TERF2IP: variants seen among roughly 807,000 people sequenced by gnomAD.
TERF2IP encodes TERF2 interacting protein.
TERF2IP carries 35 observed loss-of-function variants against 33.3 expected under a neutral mutation model. The ratio of observed to expected loss-of-function variants is 1.05; its 90% CI spans 0.80 to 1.39. The LOEUF is 1.39. TERF2IP is among the 40% of genes most tolerant of loss of function. TERF2IP has a pLI of 0.00. For synonymous variants in TERF2IP, 253 were observed against 223.2 expected (o/e 1.13, Z -1.19); for missense variants, 583 against 524.8 (o/e 1.11, Z -1.08).
At position 75,648,567 on chromosome 16, in the gene TERF2IP, C is replaced by T; in HGVS notation, c.670+15C>T. Reference sequence around the variant, plus strand: ...GGATAGCGGGGGTGAGGAGGCTGAGCGCGGGGCCTCGCGGATATCTGCGCG... The same window carrying T: ...GGATAGCGGGGGTGAGGAGGCTGAGTGCGGGGCCTCGCGGATATCTGCGCG... On this transcript the variant is annotated intron_variant, in intron 1 of 2. Transcript: ENST00000300086. 6.6e-7 allele frequency: 1 copy of T among 1,514,906 alleles called. No individual in the cohort carries two copies. The highest frequency in any genetic ancestry group is 8.9e-7 in the Non-Finnish European group (1 of 1,126,820). 93.8% of individuals were successfully genotyped at this position (1,514,906 alleles called of 1,614,324 possible). A position where few individuals can be genotyped will look rare whatever the true frequency, so the allele number is the denominator to read the frequency against.
At position 75,656,716 on chromosome 16, in the gene TERF2IP, T is replaced by C. The variant is rs1226131041; in HGVS notation, c.*105T>C. 7 of 1,092,946 alleles carry C rather than the reference T, an allele frequency of 6.4e-6. No homozygotes were observed. Among genetic ancestry groups the C allele is most frequent in the East Asian group, 5.0e-5 (2 of 40,200 alleles). 67.7% of individuals were successfully genotyped at this position (1,092,946 alleles called of 1,614,324 possible). ...GTTCTTGCATTGGAACTGGCACTTATTTTCTGACCATCGCTGCTGTTGCTC... is the reference window on the plus strand; with the variant it reads ...GTTCTTGCATTGGAACTGGCACTTACTTTCTGACCATCGCTGCTGTTGCTC... On this transcript the variant is annotated 3_prime_UTR_variant, in exon 3 of 3. Transcript: ENST00000300086.
rs781706869 is a variant in TERF2IP, at chr16:75,648,560, G to A, written c.670+8G>A. On this transcript the variant is annotated splice_region_variant and intron_variant, in intron 1 of 2. Coordinates refer to ENST00000300086, the MANE Select transcript of TERF2IP (RefSeq NM_018975.4). ...AGGCCGCGGATAGCGGGGGTGAGGA[G>A]GCTGAGCGCGGGGCCTCGCGGATAT... 3 of 1,534,234 alleles carry A rather than the reference G, an allele frequency of 2.0e-6. No homozygotes were observed. Among genetic ancestry groups the A allele is most frequent in the Non-Finnish European group, 2.6e-6 (3 of 1,136,158 alleles).
At position 75,656,896 on chromosome 16, in the gene TERF2IP, C is replaced by T. The variant is rs2082391158; in HGVS notation, c.*285C>T. ...GGAGTTGGTCTACATAGTAGTAATC[C>T]ATTGTTGGAATGGAACCCTTGCTAT... On this transcript the variant is annotated 3_prime_UTR_variant, in exon 3 of 3. Coordinates refer to ENST00000300086, the MANE Select transcript of TERF2IP (RefSeq NM_018975.4). The T allele has an allele frequency of 3.1e-6, 1 of 325,154 alleles. No individual in the cohort carries two copies. The highest frequency in any genetic ancestry group is 5.6e-6 in the Non-Finnish European group (1 of 178,164). The allele number at this position is 325,154 out of a possible 1,614,324, so 20.1% of individuals were successfully genotyped here.
At position 75,648,520 on chromosome 16, in the gene TERF2IP, C is replaced by G; in HGVS notation, c.638C>G (p.Ala213Gly). 1 of 1,574,708 alleles carries G rather than the reference C, an allele frequency of 6.4e-7. No homozygotes were observed. The highest frequency in any genetic ancestry group is 1.3e-5 in the African/African-American group (1 of 74,544). The change falls in exon 1 of 3, where the codon GCG (alanine) becomes GGG (glycine). Residue 213 changes from alanine to glycine, a missense_variant. By Grantham distance (60) the Ala-to-Gly change is moderately conservative. Coordinates refer to ENST00000300086, the MANE Select transcript of TERF2IP (RefSeq NM_018975.4). The part of the protein sequence containing the change: ...SPSSQKLKRK[A>G]EEDPEAADSG... Reference sequence around the variant, plus strand: ...TCCTCCCAGAAGCTCAAGCGGAAGGCGGAGGAGGACCCGGAGGCCGCGGAT... The same window carrying G: ...TCCTCCCAGAAGCTCAAGCGGAAGGGGGAGGAGGACCCGGAGGCCGCGGAT...
rs752369066 is a variant in TERF2IP at position 75,656,502 on chromosome 16, G to A, written c.1091G>A (p.Arg364Gln). 3.7e-6 allele frequency: 6 copies of A among 1,614,124 alleles called. No homozygotes were observed. The South Asian group carries it at 4.4e-5, about 12-fold the overall frequency. ...QRADGYPIWS[R>Q]QDDIDLQKDD... ...GCTGATGGATATCCCATTTGGTCCC[G>A]ACAAGATGACATAGATTTGCAAAAA... Residue 364 changes from arginine (R) to glutamine (Q), a missense_variant, in exon 3 of 3, where the codon CGA becomes CAA. Physicochemically the swap from Arg to Gln is conservative, Grantham distance 43. Coordinates refer to ENST00000300086, the MANE Select transcript of TERF2IP (RefSeq NM_018975.4).
rs570196281 is a variant in TERF2IP at position 75,656,226 on chromosome 16, A to G, written c.815A>G (p.Asp272Gly). Residue 272 changes from aspartate to glycine, a missense_variant, in exon 3 of 3, where the codon GAT (aspartate) becomes GGT (glycine). Physicochemically the swap from Asp to Gly is moderately conservative, Grantham distance 94. Transcript: ENST00000300086. ...EEVVVDESPP[D>G]FEIHITMCDD... is the part of the protein sequence containing the mutation. Reference sequence around the variant, plus strand: ...GTCTAGGTGGATGAGAGCCCTCCTGATTTTGAAATACATATAACTATGTGT... The same window carrying G: ...GTCTAGGTGGATGAGAGCCCTCCTGGTTTTGAAATACATATAACTATGTGT... The G allele has an allele frequency of 7.5e-6, 12 of 1,608,682 alleles. No homozygotes were observed. Among genetic ancestry groups the G allele is most frequent in the African/African-American group, 1.3e-5 (1 of 74,556 alleles).
At chr16:75,655,187 T>C (rs183015804) in intron 2 of TERF2IP, among the ~76,000 whole-genome samples, 22 of 152,346 alleles carry the variant, frequency 1.4e-4, no homozygotes, top group Admixed American at 6.5e-5. Flanking sequence ...CAGCTACTTA[T>C]AGTAATTTTT....
chr16:75,648,755 C>T, intron 1 of TERF2IP: 6 of 1,392,164 alleles, frequency 4.3e-6, no homozygotes, highest in Non-Finnish European at 5.6e-6. Context: ...CGATGGGTCT[C>T]TGTTACCTAA....
At chr16:75,652,738 T>G (rs920181629) in intron 1 of TERF2IP, among the ~76,000 whole-genome samples, 2 of 152,206 alleles carry the variant, frequency 1.3e-5, no homozygotes, top group Admixed American at 1.3e-4. Context: ...AATTTACAGT[T>G]CAGATAGTTT....
intron 1 of TERF2IP, among the ~76,000 whole-genome samples, chr16:75,652,219 G>C (rs1020626983): frequency 1.3e-5 from 2 of 152,088 alleles, no homozygotes; most frequent in Admixed American, 6.5e-5. Context: ...CTTGTCTGTT[G>C]CATGTCCCCT....
intron 1 of TERF2IP, among the ~76,000 whole-genome samples, chr16:75,652,989 C>T (rs2082358387): frequency 6.6e-6 from 1 of 152,092 alleles, no homozygotes. Context: ...TTTCTAGATA[C>T]CTCATACAAG....
chr16:75,654,149 A>G (rs991201430), intron 1 of TERF2IP, 124 bp from the exon 2 acceptor site: 3 of 23,228 alleles, frequency 1.3e-4, no homozygotes, highest in Non-Finnish European at 3.7e-4. Context: ...TTCTGATAGT[A>G]AAAAAAAAAA....
Position 75,648,567 on chromosome 16 carries a change from C to A in TERF2IP, c.670+15C>A, listed in dbSNP as rs768224871. ...GGATAGCGGGGGTGAGGAGGCTGAG[C>A]GCGGGGCCTCGCGGATATCTGCGCG... is the stretch of plus-strand genomic sequence containing the variant. On this transcript the variant is annotated intron_variant, in intron 1 of 2. Transcript: ENST00000300086. 9 of 1,514,906 alleles carry A rather than the reference C, an allele frequency of 5.9e-6. No homozygotes were observed. Among genetic ancestry groups the A allele is most frequent in the Non-Finnish European group, 8.0e-6 (9 of 1,126,820 alleles). 93.8% of individuals were successfully genotyped at this position (1,514,906 alleles called of 1,614,324 possible).
In TERF2IP at chr16:75,656,219, C is replaced by T. The variant is rs1418629501; in HGVS notation, c.808C>T (p.Pro270Ser). The T allele has an allele frequency of 6.2e-7, 1 of 1,606,686 alleles. No homozygotes were observed. Among genetic ancestry groups the T allele is most frequent in the Admixed American group, 1.7e-5 (1 of 58,918 alleles). The change falls in exon 3 of 3, where the codon CCT (proline) becomes TCT (serine). Residue 270 changes from proline to serine, a missense_variant. Transcript: ENST00000300086. ...EFEEVVVDES[P>S]PDFEIHITMC... ...TCATTCTGTCTAGGTGGATGAGAGC[C>T]CTCCTGATTTTGAAATACATATAAC... is the stretch of plus-strand genomic sequence containing the variant.
chr16:75,652,401 A>G lies in TERF2IP; in HGVS notation c.671-1872A>G, dbSNP rs559325364. Among the ~76,000 whole-genome samples, 4 of 152,310 alleles carry G rather than the reference A, an allele frequency of 2.6e-5. No homozygotes were observed. The East Asian group carries it at 7.7e-4, about 29-fold the overall frequency. On this transcript the variant is annotated intron_variant, in intron 1 of 2. Coordinates refer to ENST00000300086, the MANE Select transcript of TERF2IP (RefSeq NM_018975.4). The stretch of plus-strand genomic sequence containing the variant: ...GTGAATGAACAGTAATTTACTTTTT[A>G]TTATGGAGAATTCCAAGCATTTACA...
chr16:75,648,039 G>C lies in TERF2IP; in HGVS notation c.157G>C (p.Val53Leu). The C allele has an allele frequency of 1.2e-6, 2 of 1,608,860 alleles. No homozygotes were observed. The highest frequency in any genetic ancestry group is 1.7e-6 in the Non-Finnish European group (2 of 1,177,920). ...STLILHGGGT[V>L]CRVQEPGAVL... Reference sequence around the variant, plus strand: ...GCTCATCCTGCACGGCGGCGGCACCGTGTGCCGAGTGCAGGAGCCCGGGGC... The same window carrying C: ...GCTCATCCTGCACGGCGGCGGCACCCTGTGCCGAGTGCAGGAGCCCGGGGC... The change falls in exon 1 of 3, where the codon GTG becomes CTG. Residue 53 changes from valine to leucine, a missense_variant. Transcript: ENST00000300086.
Position 75,654,301 on chromosome 16 carries a change from G to C in TERF2IP, c.699G>C (p.Leu233Phe). ...GEPQNKRTPD[L>F]PEEEYVKEEI... ...CACAGAATAAGAGAACTCCAGATTT[G>C]CCTGAAGAAGAGTATGTGAAGGAAG... Residue 233 changes from leucine (L) to phenylalanine (F), a missense_variant, in exon 2 of 3, where the codon TTG becomes TTC. By Grantham distance (22) the Leu-to-Phe change is conservative (BLOSUM62 0). Transcript: ENST00000300086. 1 of 1,613,692 alleles carries C rather than the reference G, an allele frequency of 6.2e-7. No homozygotes were observed. Among genetic ancestry groups the C allele is most frequent in the African/African-American group, 1.3e-5 (1 of 75,002 alleles).
rs1201131261 is a variant in TERF2IP, at chr16:75,648,613, C to T, written c.670+61C>T. The T allele has an allele frequency of 9.6e-6, 14 of 1,452,760 alleles. No homozygotes were observed. The Admixed American group carries it at 1.5e-4, about 16-fold the overall frequency. The allele number at this position is 1,452,760 out of a possible 1,614,324, so 90.0% of individuals were successfully genotyped here. ...GCGCGGGTGGGGTTGGGATCTTTCT[C>T]CTGGCTGCCTGGCGTCCATCTTGGC... On this transcript the variant is annotated intron_variant, in intron 1 of 2. Transcript: ENST00000300086.
rs2082390051 is a variant in TERF2IP at position 75,656,731 on chromosome 16, T to C, written c.*120T>C. Reference sequence around the variant, plus strand: ...CTGGCACTTATTTTCTGACCATCGCTGCTGTTGCTCTGTGAGTCCTAGATT... The same window carrying C: ...CTGGCACTTATTTTCTGACCATCGCCGCTGTTGCTCTGTGAGTCCTAGATT... On this transcript the variant is annotated 3_prime_UTR_variant, in exon 3 of 3. Coordinates refer to ENST00000300086, the MANE Select transcript of TERF2IP (RefSeq NM_018975.4). 13 of 955,130 alleles carry C rather than the reference T, an allele frequency of 1.4e-5. No homozygotes were observed. Among genetic ancestry groups the C allele is most frequent in the Middle Eastern group, 3.4e-4 (1 of 2,906 alleles). 59.2% of individuals were successfully genotyped at this position (955,130 alleles called of 1,614,324 possible).
Sources: allele counts gnomAD v4.1 joint callset (sites outside exome capture counted in the v4.1 genomes callset), GRCh38; gene constraint gnomAD v4.1.1; transcripts MANE v1.5; gene names NCBI Gene and HGNC (gene_info 2026-07-23, HGNC 2026-07-21).